The following CHRM2 variants were observed in gnomAD, a reference collection of about 807,000 sequenced individuals.
The protein encoded by CHRM2 is cholinergic receptor muscarinic 2.
CHRM2 carries 8 observed loss-of-function variants against 25.0 expected under a neutral mutation model. The observed-to-expected ratio is 0.32, with a 90% confidence interval of 0.19 to 0.58. The LOEUF is 0.58. Among genes scored for constraint, CHRM2 ranks in the 20% least tolerant of loss-of-function variants. The pLI is 0.88. For synonymous variants in CHRM2, 202 were observed against 205.7 expected, an observed-to-expected ratio of 0.98 and a Z score of 0.15; for missense variants, 440 against 567.1, an observed-to-expected ratio of 0.78 and a Z score of 2.28.
intron 2 of CHRM2, among the ~76,000 whole-genome samples, chr7:136,897,021 TAATGTC>T (rs1796934807): frequency 6.6e-6 from 1 of 151,446 alleles, no homozygotes; most frequent in African/African-American, 2.4e-5. Flanking sequence ...CTTCCAAAGT[TAATGTC>T]AGTGTGGTAG....
intron 3 of CHRM2, among the ~76,000 whole-genome samples, chr7:136,994,521 C>CTTTTTTTTTTTTTTTTTTTTTTTTTT (rs757243972): frequency 2.8e-5 from 2 of 71,416 alleles, no homozygotes; most frequent in Non-Finnish European, 5.6e-5. Flanking sequence ...TTTTTCTTTT[C>CTTTTTTTTTTTTTTTTTTTTTTTTTT]TTTTTTTTTT....
At chr7:136,978,737 G>A (rs1402638194) in intron 2 of CHRM2, among the ~76,000 whole-genome samples, 2 of 152,164 alleles carry the variant, frequency 1.3e-5, no homozygotes, top group African/African-American at 4.8e-5. Flanking sequence ...TGCTGAGAAT[G>A]ATGGTTACCA....
rs1404159646 is a variant in CHRM2 at position 137,019,462 on chromosome 7, C to T, written c.*3196C>T. 1 of 151,856 alleles carries T rather than the reference C, an allele frequency of 6.6e-6. No homozygotes were observed. Among genetic ancestry groups the T allele is most frequent in the Non-Finnish European group, 1.5e-5 (1 of 67,886 alleles). The allele number at this position is 151,856 out of a possible 1,614,324, so 9.4% of individuals were successfully genotyped here. On this transcript the variant is annotated 3_prime_UTR_variant, in exon 4 of 4. Coordinates refer to ENST00000680005, the MANE Select transcript of CHRM2 (RefSeq NM_001006630.2). ...TATTTGCAGTTGATATGATCAGTTT[C>T]TACTGGAGCTGCAATTTTTCCTTTC...
At chr7:136,906,749 C>G (rs2130657887) in intron 2 of CHRM2, among the ~76,000 whole-genome samples, 1 of 151,738 alleles carries the variant, frequency 6.6e-6, no homozygotes, top group Non-Finnish European at 1.5e-5. Context: ...TGGTCCCCAA[C>G]CTTTTTGGCC....
intron 2 of CHRM2, among the ~76,000 whole-genome samples, chr7:136,930,620 A>G (rs139980600): frequency 0.015 from 2,334 of 151,746 alleles, 55 homozygotes; most frequent in African/African-American, 0.054. Context: ...AGAAAATGCC[A>G]GGCGCGGTGG....
intron 2 of CHRM2, among the ~76,000 whole-genome samples, chr7:136,917,415 ATAT>A (rs1798184873): frequency 6.6e-6 from 1 of 152,030 alleles, no homozygotes; most frequent in Admixed American, 6.6e-5. Flanking sequence ...GTGTGAGAAC[ATAT>A]TACTGCTTGA....
intron 3 of CHRM2, among the ~76,000 whole-genome samples, chr7:137,005,432 GA>G (rs1328593965): frequency 1.3e-5 from 2 of 151,830 alleles, no homozygotes; most frequent in East Asian, 3.9e-4. Context: ...TATATACTCT[GA>G]AAAAAATTTC....
intron 2 of CHRM2, among the ~76,000 whole-genome samples, chr7:136,905,179 G>A (rs1010109037): frequency 6.6e-6 from 1 of 151,542 alleles, no homozygotes; most frequent in Non-Finnish European, 1.5e-5. Context: ...ATTGCATTTT[G>A]CCCCAATAAT....
At position 137,015,072 on chromosome 7, in the gene CHRM2, C is replaced by T. The variant is rs1273075136; in HGVS notation, c.207C>T (p.Asp69=). ...NYFLFSLACA[D]LIIGVFSMNL... The stretch of plus-strand genomic sequence containing the variant: ...TTTTATTCAGCTTGGCCTGTGCTGA[C>T]CTTATCATAGGTGTTTTCTCCATGA... Residue 69 remains aspartate, a synonymous_variant, in exon 4 of 4, where the codon GAC becomes GAT. Transcript: ENST00000680005. The surrounding 1 kb of genome is among the most constrained non-coding windows in gnomAD (Gnocchi z 5.1). 6.2e-7 allele frequency: 1 copy of T among 1,613,476 alleles called. No individual in the cohort carries two copies. The highest frequency in any genetic ancestry group is 1.1e-5 in the South Asian group (1 of 91,078).
chr7:136,952,938 A>G (rs1025650617), intron 2 of CHRM2, among the ~76,000 whole-genome samples: 2 of 152,128 alleles, frequency 1.3e-5, no homozygotes, highest in Admixed American at 6.6e-5. Context: ...ATAGTATTCC[A>G]TGGTTTATAT....
rs1805301783 is a variant in CHRM2, at chr7:137,018,797, A to G, written c.*2531A>G. On this transcript the variant is annotated 3_prime_UTR_variant, in exon 4 of 4. Transcript: ENST00000680005. ...AGGCTGACACCATGGAAACTACGTC[A>G]AACAGATAAGAAAAATGGAAGGAAT... 1 of 151,952 alleles carries G rather than the reference A, an allele frequency of 6.6e-6. No homozygotes were observed. 9.4% of individuals were successfully genotyped at this position (151,952 alleles called of 1,614,324 possible). A position where few individuals can be genotyped will look rare whatever the true frequency, so the allele number is the denominator to read the frequency against.
rs1469939223 is a variant in CHRM2, at chr7:137,019,966, T to A, written c.*3700T>A. On this transcript the variant is annotated 3_prime_UTR_variant, in exon 4 of 4. Coordinates refer to ENST00000680005, the MANE Select transcript of CHRM2 (RefSeq NM_001006630.2). The stretch of plus-strand genomic sequence containing the variant: ...TCCTCCTCGCCCCAGTTTGATAATA[T>A]CCCTTTCAACAACCATAGTACCGGT... The A allele has an allele frequency of 1.3e-5, 2 of 151,884 alleles. No individual in the cohort carries two copies. Among genetic ancestry groups the A allele is most frequent in the Admixed American group, 1.3e-4 (2 of 15,196 alleles). The allele number at this position is 151,884 out of a possible 1,614,324, so 9.4% of individuals were successfully genotyped here.
intron 2 of CHRM2, among the ~76,000 whole-genome samples, chr7:136,943,763 G>T (rs1799907226): frequency 7.0e-6 from 1 of 143,276 alleles, no homozygotes; most frequent in Non-Finnish European, 1.5e-5. Context: ...ATAGAACAGA[G>T]ATTGAGATGG....
Position 137,015,043 on chromosome 7 carries a change from T to A in CHRM2, c.178T>A (p.Tyr60Asn). The A allele has an allele frequency of 6.2e-7, 1 of 1,613,396 alleles. No individual in the cohort carries two copies. The highest frequency in any genetic ancestry group is 8.5e-7 in the Non-Finnish European group (1 of 1,179,602). Residue 60 changes from tyrosine to asparagine, a missense_variant, in exon 4 of 4, where the codon TAC becomes AAC. By Grantham distance (143) the Tyr-to-Asn change is moderately radical. Coordinates refer to ENST00000680005, the MANE Select transcript of CHRM2 (RefSeq NM_001006630.2). The surrounding 1 kb of genome is among the most constrained non-coding windows in gnomAD (Gnocchi z 5.1). ...VNRHLQTVNN[Y>N]FLFSLACADL... ...CCGCCACCTCCAGACCGTCAACAAT[T>A]ACTTTTTATTCAGCTTGGCCTGTGC...
intron 3 of CHRM2, among the ~76,000 whole-genome samples, chr7:137,003,009 A>G (rs1804152798): frequency 6.6e-6 from 1 of 152,182 alleles, no homozygotes; most frequent in Admixed American, 6.5e-5. Context: ...AAGGGGGTCA[A>G]CAAATTTAAG....
chr7:136,957,989 A>G (rs1261389057), intron 2 of CHRM2, among the ~76,000 whole-genome samples: 1 of 152,250 alleles, frequency 6.6e-6, no homozygotes, highest in African/African-American at 2.4e-5. Flanking sequence ...TGATTTTGAA[A>G]AATAACAATG....
rs556694255 is a variant in CHRM2, at chr7:136,947,367, T to C, written c.-124-44820T>C. Among the ~76,000 whole-genome samples the C allele has an allele frequency of 7.5e-4, 114 of 152,330 alleles. 1 individual carries two copies. The highest frequency in any genetic ancestry group is 2.7e-3 in the African/African-American group (111 of 41,584). On this transcript the variant is annotated intron_variant, in intron 2 of 3. Coordinates refer to ENST00000680005, the MANE Select transcript of CHRM2 (RefSeq NM_001006630.2). ...GGGATGGGGAATATTAGAAATAATG[T>C]TACAAATAAAATGTTAAATTGAAGG...
rs1032790942 is a variant in CHRM2 at position 137,008,006 on chromosome 7, A to C, written c.-46-6814A>C. Among the ~76,000 whole-genome samples the C allele has an allele frequency of 6.6e-5, 10 of 152,264 alleles. 1 individual carries two copies. Among genetic ancestry groups the C allele is most frequent in the African/African-American group, 2.4e-4 (10 of 41,574 alleles). On this transcript the variant is annotated intron_variant, in intron 3 of 3. Coordinates refer to ENST00000680005, the MANE Select transcript of CHRM2 (RefSeq NM_001006630.2). ...ATGCAGTTTATAAATTAGTGGGATT[A>C]ACTGAATATTAAAAGACCTACAATA...
At chr7:136,888,733 A>C (rs1248047143) in intron 2 of CHRM2, among the ~76,000 whole-genome samples, 1 of 152,144 alleles carries the variant, frequency 6.6e-6, no homozygotes, top group Non-Finnish European at 1.5e-5. Flanking sequence ...GGAACTGCAA[A>C]AAGAATATTG....
Sources: gnomAD v4.1 joint callset for allele counts (sites outside exome capture counted in the v4.1 genomes callset) on GRCh38, gnomAD v4.1.1 for gene constraint, Gnocchi (gnomAD v3.1) non-coding constraint, MANE v1.5 for transcripts, NCBI Gene and HGNC (gene_info 2026-07-23, HGNC 2026-07-21) for gene names.